The following RSPO3 variants were observed in gnomAD, a reference collection of about 807,000 sequenced individuals.
RSPO3 encodes the protein R-spondin-3.
In RSPO3, 17 loss-of-function variants were observed where a neutral mutation model predicts 36.5. The ratio of observed to expected loss-of-function variants is 0.47; its 90% CI spans 0.32 to 0.70. The LOEUF (loss-of-function observed/expected upper bound fraction) is 0.70. RSPO3 is among the 30% of genes least tolerant of loss of function. The probability of loss-of-function intolerance (pLI) is 0.04; values close to 1 mark genes in which losing one functional copy is unlikely to be tolerated. For missense variants in RSPO3, 294 were observed against 322.5 expected, an observed-to-expected ratio of 0.91 and a Z score of 0.68; for synonymous variants, 108 against 107.0, an observed-to-expected ratio of 1.01 and a Z score of -0.06.
intron 4 of RSPO3, chr6:127,192,763 C>A: frequency 1.3e-6 from 1 of 763,710 alleles, no homozygotes; most frequent in Non-Finnish European, 1.6e-6. Context: ...AATGGCAAAG[C>A]ACACGTGTGT....
At chr6:127,151,882 G>C (rs1774498237) in intron 3 of RSPO3, among the ~76,000 whole-genome samples, 1 of 152,016 alleles carries the variant, frequency 6.6e-6, no homozygotes, top group African/African-American at 2.4e-5. Context: ...GAGGTAATAA[G>C]TTCCAAACAC....
At chr6:127,158,871 A>C (rs1258702564) in intron 4 of RSPO3, among the ~76,000 whole-genome samples, 3 of 152,160 alleles carry the variant, frequency 2.0e-5, no homozygotes, top group Middle Eastern at 3.2e-3. Context: ...CTTTAGTAAG[A>C]GGTCATTACC....
At chr6:127,174,772 A>G (rs1424090980) in intron 4 of RSPO3, among the ~76,000 whole-genome samples, 1 of 151,836 alleles carries the variant, frequency 6.6e-6, no homozygotes, top group Non-Finnish European at 1.5e-5. Context: ...ACATTTTTTT[A>G]AAGTATTTTA....
Position 127,148,864 on chromosome 6 carries a change from T to A in RSPO3, c.289+25T>A, listed in dbSNP as rs1336785581. The A allele has an allele frequency of 1.9e-6, 3 of 1,568,270 alleles. No individual in the cohort carries two copies. The South Asian group carries it at 3.5e-5, about 18-fold the overall frequency. ...AGTAAGTGCCCACACGAAATTGTATTTTTATCTCATCTTTGGTGACTTTTC... is the reference window on the plus strand; with the variant it reads ...AGTAAGTGCCCACACGAAATTGTATATTTATCTCATCTTTGGTGACTTTTC... On this transcript the variant is annotated intron_variant, in intron 2 of 4. Coordinates refer to ENST00000356698, the MANE Select transcript of RSPO3 (RefSeq NM_032784.5).
chr6:127,136,220 A>G (rs1562241716), intron 1 of RSPO3, among the ~76,000 whole-genome samples: 1 of 152,186 alleles, frequency 6.6e-6, no homozygotes, highest in Non-Finnish European at 1.5e-5. Context: ...TATGTGTTTA[A>G]TAATGGCCTT....
chr6:127,147,543 T>G (rs1306325480), intron 1 of RSPO3, among the ~76,000 whole-genome samples: 2 of 152,094 alleles, frequency 1.3e-5, no homozygotes, highest in Non-Finnish European at 2.9e-5. Context: ...GGAAAAGAAA[T>G]CATCCTAAAC....
chr6:127,168,190 A>T (rs1159996618), intron 4 of RSPO3, among the ~76,000 whole-genome samples: 5 of 152,130 alleles, frequency 3.3e-5, no homozygotes, highest in Non-Finnish European at 7.4e-5. Flanking sequence ...TGTCTTCCAG[A>T]ATGGTTGAAC....
At chr6:127,183,495 G>T (rs921081115) in intron 4 of RSPO3, among the ~76,000 whole-genome samples, 1 of 151,934 alleles carries the variant, frequency 6.6e-6, no homozygotes, top group African/African-American at 2.4e-5. Flanking sequence ...CAGCATGCCC[G>T]CATATGAGAG....
rs1346609725 is a variant in RSPO3 at position 127,198,004 on chromosome 6, G to GT, written c.*1998dup. On this transcript the variant is annotated 3_prime_UTR_variant, in exon 5 of 5. Coordinates refer to ENST00000356698, the MANE Select transcript of RSPO3 (RefSeq NM_032784.5). ...TTTCTTCTGAGTGTTACCCAGTCAA[G>GT]TATAAGTAGCCAAATTATTTTTGCA... Among the ~76,000 whole-genome samples the GT allele has an allele frequency of 6.6e-6, 1 of 152,216 alleles. No individual in the cohort carries two copies. Among genetic ancestry groups the GT allele is most frequent in the African/African-American group, 2.4e-5 (1 of 41,468 alleles).
At chr6:127,150,280 G>A (rs529498313) in intron 2 of RSPO3, 146 bp from the exon 3 acceptor site, 32 of 660,290 alleles carry the variant, frequency 4.8e-5, no homozygotes, top group South Asian at 3.1e-4. Flanking sequence ...TGGAGGAATC[G>A]TGAATTCAGT....
chr6:127,146,470 A>G (rs1339229124), intron 1 of RSPO3, among the ~76,000 whole-genome samples: 1 of 152,132 alleles, frequency 6.6e-6, no homozygotes, highest in Non-Finnish European at 1.5e-5. Flanking sequence ...CCTGAAGAAC[A>G]TTCCAAACAT....
rs543833301 is a variant in RSPO3, at chr6:127,193,443, T to A, written c.635-2380T>A. On this transcript the variant is annotated intron_variant, in intron 4 of 4. Coordinates refer to ENST00000356698, the MANE Select transcript of RSPO3 (RefSeq NM_032784.5). ...TTGGACCGTCATCAAGAGAACAATG[T>A]CAAACACTGAACTTCTGGATGATTT... Among the ~76,000 whole-genome samples the A allele has an allele frequency of 3.8e-4, 58 of 152,288 alleles. 2 individuals are homozygous for A. In the South Asian group the frequency reaches 4.1e-3, roughly 11 times the overall value.
At chr6:127,191,865 CCAA>C (rs990828161) in intron 4 of RSPO3, among the ~76,000 whole-genome samples, 1 of 152,208 alleles carries the variant, frequency 6.6e-6, no homozygotes, top group Non-Finnish European at 1.5e-5. Flanking sequence ...GGACAAACTC[CCAA>C]CATGGCAATT....
chr6:127,139,232 A>T (rs909419199), intron 1 of RSPO3, among the ~76,000 whole-genome samples: 1 of 152,180 alleles, frequency 6.6e-6, no homozygotes, highest in Admixed American at 6.5e-5. Flanking sequence ...TGGAGTTTTT[A>T]AAAATGGTAT....
rs1340213931 is a variant in RSPO3 at position 127,118,985 on chromosome 6, A to T, written c.-208A>T. 3 of 410,022 alleles carry T rather than the reference A, an allele frequency of 7.3e-6. No individual in the cohort carries two copies. The allele number at this position is 410,022 out of a possible 1,614,324, so 25.4% of individuals were successfully genotyped here. ...GAAGCCGCCGCAGTTCAGTGCTTGG[A>T]TAATTTGAAAGTACAATAGTTGGTT... is the stretch of plus-strand genomic sequence containing the variant. On this transcript the variant is annotated 5_prime_UTR_variant, in exon 1 of 5. Coordinates refer to ENST00000356698, the MANE Select transcript of RSPO3 (RefSeq NM_032784.5).
intron 4 of RSPO3, among the ~76,000 whole-genome samples, chr6:127,176,984 T>C (rs1486039367): frequency 6.6e-6 from 1 of 151,814 alleles, no homozygotes; most frequent in Non-Finnish European, 1.5e-5. Context: ...AAGAATAATT[T>C]TGAACTTGGT....
intron 3 of RSPO3, 120 bp from the exon 4 acceptor site, chr6:127,155,121 T>C: frequency 1.1e-6 from 1 of 922,568 alleles, no homozygotes; most frequent in Non-Finnish European, 1.7e-6. Context: ...TGCCCGACTT[T>C]GATCTGCAAG....
In RSPO3 at chr6:127,160,065, CT is replaced by C. The variant is rs753339438; in HGVS notation, c.634+4628del. Among the ~76,000 whole-genome samples, 17 of 152,248 alleles carry C rather than the reference CT, an allele frequency of 1.1e-4. No individual in the cohort carries two copies. In the East Asian group the frequency reaches 3.3e-3, roughly 29 times the overall value. On this transcript the variant is annotated intron_variant, in intron 4 of 4. Coordinates refer to ENST00000356698, the MANE Select transcript of RSPO3 (RefSeq NM_032784.5). Reference sequence around the variant, plus strand: ...CCCTCCACTAAAATTAATTATATGGCTATAATCATTTCTTTTTCATAATACT... The same window carrying C: ...CCCTCCACTAAAATTAATTATATGGCATAATCATTTCTTTTTCATAATACT...
chr6:127,132,290 T>G (rs542444296), intron 1 of RSPO3, among the ~76,000 whole-genome samples: 1 of 152,238 alleles, frequency 6.6e-6, no homozygotes, highest in South Asian at 2.1e-4. Context: ...TGCTATCTGA[T>G]GCAAAGATTC....
Sources: gnomAD v4.1 joint callset for allele counts (sites outside exome capture counted in the v4.1 genomes callset) on GRCh38, gnomAD v4.1.1 for gene constraint, MANE v1.5 for transcripts, NCBI Gene and HGNC (gene_info 2026-07-23, HGNC 2026-07-21) for gene names.